ZNF225: variants seen among roughly 807,000 people sequenced by gnomAD.
ZNF225 encodes zinc finger protein 225.
Under a neutral mutation model 12.0 loss-of-function variants are expected in ZNF225, and 6 were observed. That is an observed-to-expected ratio of 0.50 (90% CI 0.27 to 0.98). The LOEUF (loss-of-function observed/expected upper bound fraction) is 0.98. ZNF225 is among the 50% of genes least tolerant of loss of function. ZNF225 has a pLI of 0.11. For synonymous variants in ZNF225, 271 were observed against 283.2 expected (o/e 0.96, Z 0.43); for missense variants, 763 against 848.2 (o/e 0.90, Z 1.25).
chr19:44,126,073 C>A (rs1373915994), intron 4 of ZNF225, among the ~76,000 whole-genome samples: 1 of 152,112 alleles, frequency 6.6e-6, no homozygotes, highest in Admixed American at 6.5e-5. Context: ...GGATCCATTG[C>A]TGGTGAACTA....
intron 4 of ZNF225, among the ~76,000 whole-genome samples, chr19:44,120,999 C>G (rs1968044456): frequency 6.6e-6 from 1 of 152,108 alleles, no homozygotes; most frequent in Non-Finnish European, 1.5e-5. Context: ...CAGGTTCACG[C>G]CATTCTCCTG....
chr19:44,132,873 T>C lies in ZNF225; in HGVS notation c.*138T>C. The C allele has an allele frequency of 1.3e-6, 1 of 784,126 alleles. No homozygotes were observed. Among genetic ancestry groups the C allele is most frequent in the Non-Finnish European group, 1.9e-6 (1 of 515,978 alleles). The allele number at this position is 784,126 out of a possible 1,614,324, so 48.6% of individuals were successfully genotyped here. Reference sequence around the variant, plus strand: ...TATGTTGGGAACCCTTAAAATTCACTGTCCTAGCTATTTGAAAATAATACG... The same window carrying C: ...TATGTTGGGAACCCTTAAAATTCACCGTCCTAGCTATTTGAAAATAATACG... On this transcript the variant is annotated 3_prime_UTR_variant, in exon 5 of 5. Transcript: ENST00000262894.
intron 4 of ZNF225, among the ~76,000 whole-genome samples, chr19:44,126,895 C>G (rs1968158672): frequency 6.6e-6 from 1 of 152,210 alleles, no homozygotes; most frequent in African/African-American, 2.4e-5. Context: ...ACCATGCCCC[C>G]ACTAACAGCC....
At chr19:44,123,581 T>C (rs1447290329) in intron 4 of ZNF225, among the ~76,000 whole-genome samples, 3 of 152,184 alleles carry the variant, frequency 2.0e-5, no homozygotes, top group African/African-American at 2.4e-5. Context: ...CAATTCTTCT[T>C]TGAGTGTCTG....
intron 4 of ZNF225, among the ~76,000 whole-genome samples, chr19:44,127,072 A>G (rs183739911): frequency 1.3e-5 from 2 of 152,344 alleles, no homozygotes. Flanking sequence ...TGCCTGGTTC[A>G]AACTGTTATA....
chr19:44,132,876 C>T lies in ZNF225; in HGVS notation c.*141C>T, dbSNP rs983734963. On this transcript the variant is annotated 3_prime_UTR_variant, in exon 5 of 5. Transcript: ENST00000262894. ...GTTGGGAACCCTTAAAATTCACTGT[C>T]CTAGCTATTTGAAAATAATACGTTG... 6.5e-6 allele frequency: 5 copies of T among 769,834 alleles called. No individual in the cohort carries two copies. In the Admixed American group the frequency reaches 9.8e-5, roughly 15 times the overall value. 47.7% of individuals were successfully genotyped at this position (769,834 alleles called of 1,614,324 possible).
intron 4 of ZNF225, among the ~76,000 whole-genome samples, chr19:44,123,485 A>T (rs1968091608): frequency 6.6e-6 from 1 of 151,938 alleles, no homozygotes; most frequent in Non-Finnish European, 1.5e-5. Context: ...TGGTTTTGGT[A>T]TTAGGGTGAT....
In ZNF225 at chr19:44,131,950, C is replaced by T. The variant is rs1037366814; in HGVS notation, c.1336C>T (p.His446Tyr). The part of the protein sequence containing the change: ...GYKRRLDLDF[H>Y]QRVHRGEKPY... Reference sequence around the variant, plus strand: ...CAAAAGGAGGTTGGATCTTGACTTTCATCAGAGGGTCCACAGAGGAGAGAA... The same window carrying T: ...CAAAAGGAGGTTGGATCTTGACTTTTATCAGAGGGTCCACAGAGGAGAGAA... Residue 446 changes from histidine (H) to tyrosine (Y), a missense_variant, in exon 5 of 5, where the codon CAT becomes TAT. Coordinates refer to ENST00000262894, the MANE Select transcript of ZNF225 (RefSeq NM_013362.4). The T allele has an allele frequency of 6.8e-6, 11 of 1,613,790 alleles. No individual in the cohort carries two copies. Among genetic ancestry groups the T allele is most frequent in the Non-Finnish European group, 8.5e-6 (10 of 1,179,970 alleles).
rs764363712 is a variant in ZNF225, at chr19:44,118,223, C to T, written c.51C>T (p.Phe17=). Residue 17 remains phenylalanine (F), a synonymous_variant, in exon 3 of 5, where the codon TTC becomes TTT. Transcript: ENST00000262894. ...AVTFKDVAVV[F]TEEELRLLDL... is the part of the protein sequence containing the mutation. ...CCTTCAAGGACGTGGCTGTGGTCTT[C>T]ACTGAGGAAGAGCTGAGGCTGCTGG... 1.2e-6 allele frequency: 2 copies of T among 1,613,126 alleles called. No homozygotes were observed. Among genetic ancestry groups the T allele is most frequent in the South Asian group, 2.2e-5 (2 of 91,058 alleles).
rs767826066 is a variant in ZNF225, at chr19:44,134,292, AATC to A, written c.*1560_*1562del. 6 of 152,184 alleles carry A rather than the reference AATC, an allele frequency of 3.9e-5. No individual in the cohort carries two copies. The highest frequency in any genetic ancestry group is 7.3e-5 in the Non-Finnish European group (5 of 68,034). 9.4% of individuals were successfully genotyped at this position (152,184 alleles called of 1,614,324 possible). Reference sequence around the variant, plus strand: ...CGTACCAAAGGTTCTTATTGGAACTAATCATGTAGGTACCATCCCTCTGGTACA... The same window carrying A: ...CGTACCAAAGGTTCTTATTGGAACTAATGTAGGTACCATCCCTCTGGTACA... On this transcript the variant is annotated 3_prime_UTR_variant, in exon 5 of 5. Transcript: ENST00000262894.
In ZNF225 at chr19:44,130,904, G is replaced by T; in HGVS notation, c.290G>T (p.Gly97Val). Residue 97 changes from glycine (G) to valine (V), a missense_variant, in exon 5 of 5, where the codon GGC becomes GTC. Physicochemically the swap from Gly to Val is moderately radical, Grantham distance 109. Coordinates refer to ENST00000262894, the MANE Select transcript of ZNF225 (RefSeq NM_013362.4). ...GTTTCAGAATCAGGAACACATGAAG[G>T]CTTGTTCAGTCATCAAACCTGGGAA... is the stretch of plus-strand genomic sequence containing the variant. ...ETVSESGTHE[G>V]LFSHQTWEQI... 6.2e-7 allele frequency: 1 copy of T among 1,613,960 alleles called. No individual in the cohort carries two copies. Among genetic ancestry groups the T allele is most frequent in the Non-Finnish European group, 8.5e-7 (1 of 1,179,982 alleles).
In ZNF225 at chr19:44,131,272, C is replaced by T. The variant is rs1568542166; in HGVS notation, c.658C>T (p.Gln220Ter). 5 of 1,614,192 alleles carry T rather than the reference C, an allele frequency of 3.1e-6. No homozygotes were observed. Among genetic ancestry groups the T allele is most frequent in the Non-Finnish European group, 4.2e-6 (5 of 1,180,036 alleles). The stretch of plus-strand genomic sequence containing the variant: ...GGAATTCAATCAGAGCTCACATCTG[C>T]AAATTCATCAGAGAATCCACACTGG... ...GKEFNQSSHL[Q>*]IHQRIHTGEK... The change falls in exon 5 of 5, where the codon CAA becomes TAA. Residue 220 changes from glutamine (Q) to a stop codon, truncating the protein, a stop_gained. Coordinates refer to ENST00000262894, the MANE Select transcript of ZNF225 (RefSeq NM_013362.4). LOFTEE classifies it low-confidence loss of function (END_TRUNC).
intron 4 of ZNF225, among the ~76,000 whole-genome samples, chr19:44,121,118 C>T (rs1227065637): frequency 2.0e-5 from 3 of 152,112 alleles, no homozygotes; most frequent in Non-Finnish European, 4.4e-5. Flanking sequence ...AGGATGGTCT[C>T]GATCTCCTGA....
intron 3 of ZNF225, 56 bp downstream of exon 3, chr19:44,118,370 C>G: frequency 6.2e-7 from 1 of 1,610,336 alleles, no homozygotes; most frequent in Non-Finnish European, 8.5e-7. Context: ...GCTTTGTATC[C>G]TAGAGTGTTC....
Position 44,118,549 on chromosome 19 carries a change from A to G in ZNF225, c.210A>G (p.Thr70=). ...AAGAAAAGTTTTGGATGATGGAGACAGCAACCCAAAGAGAAGGGAATTTAG... is the reference window on the plus strand; with the variant it reads ...AAGAAAAGTTTTGGATGATGGAGACGGCAACCCAAAGAGAAGGGAATTTAG... The part of the protein sequence containing the change: ...LKEEKFWMME[T]ATQREGNLGG... The change falls in exon 4 of 5, where the codon ACA becomes ACG. Residue 70 remains threonine (T), a synonymous_variant. Transcript: ENST00000262894. 1 of 1,613,150 alleles carries G rather than the reference A, an allele frequency of 6.2e-7. No homozygotes were observed. The highest frequency in any genetic ancestry group is 8.5e-7 in the Non-Finnish European group (1 of 1,179,344).
chr19:44,124,494 A>T (rs1346873444), intron 4 of ZNF225, among the ~76,000 whole-genome samples: 1 of 152,046 alleles, frequency 6.6e-6, no homozygotes, highest in Non-Finnish European at 1.5e-5. Flanking sequence ...TTCTGTGGTT[A>T]TTGGATGAAA....
chr19:44,114,427 A>G (rs1967896834), intron 1 of ZNF225, among the ~76,000 whole-genome samples: 1 of 152,150 alleles, frequency 6.6e-6, no homozygotes, highest in South Asian at 2.1e-4. Flanking sequence ...AAAGATGTTC[A>G]TTTGGAGTTT....
In ZNF225 at chr19:44,131,096, C is replaced by T. The variant is rs963434407; in HGVS notation, c.482C>T (p.Ser161Phe). The T allele has an allele frequency of 6.2e-7, 1 of 1,614,130 alleles. No homozygotes were observed. Among genetic ancestry groups the T allele is most frequent in the African/African-American group, 1.3e-5 (1 of 75,060 alleles). The change falls in exon 5 of 5, where the codon TCC (serine) becomes TTC (phenylalanine). Residue 161 changes from serine (S) to phenylalanine (F), a missense_variant. By Grantham distance (155) the Ser-to-Phe change is radical (BLOSUM62 -2). Coordinates refer to ENST00000262894, the MANE Select transcript of ZNF225 (RefSeq NM_013362.4). ...RTCKKSFSDVSVLDLHQQLQS... is the reference protein window; with the variant it reads ...RTCKKSFSDVFVLDLHQQLQS... ...TGTAAAAAGTCCTTTAGTGATGTCT[C>T]CGTCCTTGATCTTCATCAACAACTA...
chr19:44,115,290 C>A (rs1403961763), intron 1 of ZNF225, among the ~76,000 whole-genome samples: 1 of 152,164 alleles, frequency 6.6e-6, no homozygotes, highest in Non-Finnish European at 1.5e-5. Flanking sequence ...ATAAACATCA[C>A]CATAATTCAG....
Sources: allele counts gnomAD v4.1 joint callset (sites outside exome capture counted in the v4.1 genomes callset), GRCh38; gene constraint gnomAD v4.1.1; transcripts MANE v1.5; gene names NCBI Gene and HGNC (gene_info 2026-07-23, HGNC 2026-07-21).